Variants in SLC39A8 observed in about 807,000 individuals in gnomAD.
SLC39A8 encodes the protein solute carrier family 39 member 8.
SLC39A8 carries 15 observed loss-of-function variants against 40.4 expected under a neutral mutation model. The observed-to-expected ratio is 0.37, with a 90% CI of 0.25 to 0.57. SLC39A8 has a LOEUF of 0.57. Ranked by LOEUF, SLC39A8 falls within the 20% of genes least tolerant of loss-of-function variation. The pLI, the probability that SLC39A8 is intolerant of heterozygous loss-of-function variation, is 0.75. For missense variants in SLC39A8, 472 were observed against 558.8 expected (o/e 0.84, Z 1.57); for synonymous variants, 223 against 221.6 (o/e 1.01, Z -0.06).
intron 3 of SLC39A8, among the ~76,000 whole-genome samples, chr4:102,310,912 C>A (rs190218144): frequency 2.0e-5 from 3 of 152,192 alleles, no homozygotes; most frequent in East Asian, 3.9e-4. Context: ...GTGTAAGATT[C>A]TTCTAAGAAC....
chr4:102,265,342 CACA>C (rs1732054186), intron 8 of SLC39A8, among the ~76,000 whole-genome samples: 1 of 152,190 alleles, frequency 6.6e-6, no homozygotes, highest in Non-Finnish European at 1.5e-5. Flanking sequence ...AGAAAACACA[CACA>C]ACATTTGTCA....
exon 12 of SLC39A8, chr4:102,252,676 T>C (rs769595661): frequency 1.3e-5 from 2 of 152,228 alleles, no homozygotes; most frequent in African/African-American, 2.4e-5. Flanking sequence ...GGACCATCTT[T>C]CCACTTTCTG....
intron 6 of SLC39A8, among the ~76,000 whole-genome samples, chr4:102,270,872 C>T (rs1007595885): frequency 2.0e-5 from 3 of 151,626 alleles, no homozygotes; most frequent in Admixed American, 1.3e-4. Context: ...AATTGGAGGG[C>T]AAAAAACAAA....
intron 6 of SLC39A8, among the ~76,000 whole-genome samples, chr4:102,269,995 A>G (rs1318112948): frequency 1.3e-5 from 2 of 152,194 alleles, no homozygotes; most frequent in African/African-American, 2.4e-5. Context: ...GCGGGAAGCA[A>G]TTACAGCTGA....
intron 6 of SLC39A8, among the ~76,000 whole-genome samples, chr4:102,289,712 C>T (rs946196351): frequency 1.3e-5 from 2 of 152,000 alleles, no homozygotes; most frequent in Non-Finnish European, 2.9e-5. Flanking sequence ...GGTAGGTGTA[C>T]GGGAAATAGC....
At chr4:102,255,659 G>A (rs867507517) in intron 11 of SLC39A8, among the ~76,000 whole-genome samples, 3 of 152,184 alleles carry the variant, frequency 2.0e-5, no homozygotes, top group Non-Finnish European at 4.4e-5. Flanking sequence ...TAGGGGTTGG[G>A]AGAAACCAGT....
rs1421784121 is a variant in SLC39A8, at chr4:102,262,567, G to C, written c.*477C>G. On this transcript the variant is annotated 3_prime_UTR_variant, in exon 9 of 9. Coordinates refer to ENST00000356736, the MANE Select transcript of SLC39A8 (RefSeq NM_001135146.2). ...TAAAGACTTGGAATAATTTATATTA[G>C]TGTTGCATACATTTTACCTTCTACA... 22 of 984,970 alleles carry C rather than the reference G, an allele frequency of 2.2e-5. No individual in the cohort carries two copies. The highest frequency in any genetic ancestry group is 2.7e-5 in the Non-Finnish European group (22 of 829,622). 61.0% of individuals were successfully genotyped at this position (984,970 alleles called of 1,614,324 possible).
At chr4:102,260,266 C>T (rs887469876), downstream of SLC39A8, among the ~76,000 whole-genome samples, 2 of 152,158 alleles carry the variant, frequency 1.3e-5, no homozygotes, top group Admixed American at 1.3e-4. Context: ...AGCCGATATC[C>T]AGTCTGGGCT....
intron 2 of SLC39A8, among the ~76,000 whole-genome samples, chr4:102,324,929 T>C (rs1167224834): frequency 6.6e-6 from 1 of 152,184 alleles, no homozygotes; most frequent in Non-Finnish European, 1.5e-5. Flanking sequence ...GTGACTTACA[T>C]GTTCCACACT....
downstream of SLC39A8, chr4:102,259,458 A>C: frequency 1.9e-6 from 3 of 1,543,246 alleles, no homozygotes. Context: ...TTCTTACCGT[A>C]TATATCCAAA....
intron 2 of SLC39A8, among the ~76,000 whole-genome samples, chr4:102,342,771 T>G (rs2149058994): frequency 6.6e-6 from 1 of 152,340 alleles, no homozygotes; most frequent in Non-Finnish European, 1.5e-5. Flanking sequence ...CTAAATAATT[T>G]AGGCATGTTT....
intron 6 of SLC39A8, among the ~76,000 whole-genome samples, chr4:102,299,126 C>T (rs1733800169): frequency 6.6e-6 from 1 of 151,750 alleles, no homozygotes; most frequent in Non-Finnish European, 1.5e-5. Context: ...TCTTAGTGCC[C>T]CAGTCCCCTT....
intron 8 of SLC39A8, among the ~76,000 whole-genome samples, chr4:102,263,682 ACAGCATTTTACC>A (rs1370123446): frequency 1.3e-5 from 2 of 152,160 alleles, no homozygotes; most frequent in Non-Finnish European, 2.9e-5. Flanking sequence ...ATGCTGTTTG[ACAGCATTTTACC>A]CACAGTAGAA....
intron 6 of SLC39A8, among the ~76,000 whole-genome samples, chr4:102,298,634 A>T (rs1465980251): frequency 6.6e-6 from 1 of 152,096 alleles, no homozygotes; most frequent in Non-Finnish European, 1.5e-5. Flanking sequence ...ATACATATTT[A>T]TCTCTAGTCC....
At chr4:102,333,380 A>G (rs1735548971) in intron 2 of SLC39A8, among the ~76,000 whole-genome samples, 1 of 152,138 alleles carries the variant, frequency 6.6e-6, no homozygotes, top group African/African-American at 2.4e-5. Context: ...GGTAGGTACA[A>G]TTTTCCCCAT....
At position 102,262,139 on chromosome 4, in the gene SLC39A8, T is replaced by C; in HGVS notation, c.*905A>G. The C allele has an allele frequency of 1.0e-6, 1 of 985,844 alleles. No individual in the cohort carries two copies. 61.1% of individuals were successfully genotyped at this position (985,844 alleles called of 1,614,324 possible). ...AGTCCAGCTGTTGTTTTGCATTTAT[T>C]AAAATATTCTCTGCTAAATAGTTAT... On this transcript the variant is annotated 3_prime_UTR_variant, in exon 9 of 9. Transcript: ENST00000356736.
chr4:102,263,322 A>C, intron 8 of SLC39A8, 129 bp from the exon 9 acceptor site: 69 of 716,846 alleles, frequency 9.6e-5, no homozygotes, highest in Non-Finnish European at 1.3e-4. Context: ...CAAACATCTC[A>C]ATAAAGCAAG....
chr4:102,340,016 G>A (rs1735837417), intron 2 of SLC39A8, among the ~76,000 whole-genome samples: 1 of 152,112 alleles, frequency 6.6e-6, no homozygotes, highest in African/African-American at 2.4e-5. Context: ...GGCATAAATG[G>A]GTTAGTTCCT....
chr4:102,302,273 G>A (rs1733954064), intron 6 of SLC39A8, among the ~76,000 whole-genome samples: 1 of 151,924 alleles, frequency 6.6e-6, no homozygotes, highest in African/African-American at 2.4e-5. Flanking sequence ...TTATCCCTCT[G>A]CCATCTGGTA....
Sources: gnomAD v4.1 joint callset for allele counts (sites outside exome capture counted in the v4.1 genomes callset) on GRCh38, gnomAD v4.1.1 for gene constraint, MANE v1.5 for transcripts, NCBI Gene and HGNC (gene_info 2026-07-23, HGNC 2026-07-21) for gene names.